The following CXCR5 variants were observed in gnomAD, a reference collection of about 807,000 sequenced individuals.
CXCR5 encodes C-X-C motif chemokine receptor 5.
Under a neutral mutation model 5.6 loss-of-function variants are expected in CXCR5, and 3 were observed. That is an observed-to-expected ratio of 0.54 (90% CI 0.24 to 1.39). The LOEUF is 1.39. Among genes scored for constraint, CXCR5 ranks in the 40% most tolerant of loss-of-function variants. The pLI is 0.16. For missense variants in CXCR5, 333 were observed against 494.6 expected (o/e 0.67, Z 3.10); for synonymous variants, 218 against 219.9 (o/e 0.99, Z 0.08).
rs1306826856 is a variant in CXCR5, at chr11:118,896,853, C to T, written c.*2190C>T. The T allele has an allele frequency of 1.3e-5, 2 of 152,808 alleles. No homozygotes were observed. The highest frequency in any genetic ancestry group is 4.8e-5 in the African/African-American group (2 of 41,476). The allele number at this position is 152,808 out of a possible 1,614,324, so 9.5% of individuals were successfully genotyped here. On this transcript the variant is annotated 3_prime_UTR_variant, in exon 2 of 2. Coordinates refer to ENST00000292174, the MANE Select transcript of CXCR5 (RefSeq NM_001716.5). ...AGCCAGGGAACTGCCCTGCCACCTC[C>T]CGAGGCAGGAAAGGAAGTGAGAAAA...
At position 118,895,854 on chromosome 11, in the gene CXCR5, G is replaced by T; in HGVS notation, c.*1191G>T. ...CTGCTCCGTGCTTGTTTGCTCACCT[G>T]GGGTGTGGGAGGCCCGTCCGGCAGT... is the stretch of plus-strand genomic sequence containing the variant. On this transcript the variant is annotated 3_prime_UTR_variant, in exon 2 of 2. Transcript: ENST00000292174. This position sits in a 1 kb window ranked among gnomAD's most constrained non-coding sequence, Gnocchi z 4.2. 6.0e-6 allele frequency: 1 copy of T among 167,270 alleles called. No individual in the cohort carries two copies. 10.4% of individuals were successfully genotyped at this position (167,270 alleles called of 1,614,324 possible).
In CXCR5 at chr11:118,893,456, T is replaced by G. The variant is rs1939843201; in HGVS notation, c.52-140T>G. On this transcript the variant is annotated intron_variant, in intron 1 of 1. Coordinates refer to ENST00000292174, the MANE Select transcript of CXCR5 (RefSeq NM_001716.5). This position sits in a 1 kb window ranked among gnomAD's most constrained non-coding sequence, Gnocchi z 5.7. ...TGAAGTTGGAAAAGACAAAGTGATT[T>G]GTTCAAAATTGAAATTTGAAACTTG... 7.0e-7 allele frequency: 1 copy of G among 1,427,824 alleles called. No individual in the cohort carries two copies. Among genetic ancestry groups the G allele is most frequent in the Non-Finnish European group, 9.2e-7 (1 of 1,089,352 alleles). The allele number at this position is 1,427,824 out of a possible 1,614,324, so 88.4% of individuals were successfully genotyped here.
intron 1 of CXCR5, among the ~76,000 whole-genome samples, chr11:118,891,012 T>C (rs926009030): frequency 1.3e-5 from 2 of 152,138 alleles, no homozygotes; most frequent in African/African-American, 2.4e-5. Context: ...TGTAGTGTGC[T>C]ATGGTCACAC....
rs756469292 is a variant in CXCR5 at position 118,895,465 on chromosome 11, C to T, written c.*802C>T. The T allele has an allele frequency of 1.2e-5, 2 of 167,040 alleles. No homozygotes were observed. Among genetic ancestry groups the T allele is most frequent in the African/African-American group, 2.4e-5 (1 of 41,438 alleles). The allele number at this position is 167,040 out of a possible 1,614,324, so 10.3% of individuals were successfully genotyped here. Reference sequence around the variant, plus strand: ...GAAGAAAAGAGCTTTCTTCCCGAACCCCAAGGAGGGAGATGGATCAATCAA... The same window carrying T: ...GAAGAAAAGAGCTTTCTTCCCGAACTCCAAGGAGGGAGATGGATCAATCAA... On this transcript the variant is annotated 3_prime_UTR_variant, in exon 2 of 2. Transcript: ENST00000292174. This position sits in a 1 kb window ranked among gnomAD's most constrained non-coding sequence, Gnocchi z 4.2.
In CXCR5 at chr11:118,894,344, T is replaced by C; in HGVS notation, c.800T>C (p.Ile267Thr). 6.2e-7 allele frequency: 1 copy of C among 1,614,130 alleles called. No individual in the cohort carries two copies. Among genetic ancestry groups the C allele is most frequent in the Non-Finnish European group, 8.5e-7 (1 of 1,180,006 alleles). ...AVRVAILVTSIFFLCWSPYHI... is the reference protein window; with the variant it reads ...AVRVAILVTSTFFLCWSPYHI... ...AGGGTGGCCATCCTGGTGACAAGCA[T>C]CTTCTTCCTCTGCTGGTCACCCTAC... Residue 267 changes from isoleucine to threonine, a missense_variant, in exon 2 of 2, where the codon ATC becomes ACC. Transcript: ENST00000292174. The surrounding 1 kb of genome is among the most constrained non-coding windows in gnomAD (Gnocchi z 6.1).
chr11:118,887,478 A>C, intron 1 of CXCR5: 1 of 971,416 alleles, frequency 1.0e-6, no homozygotes, highest in Non-Finnish European at 1.2e-6. Flanking sequence ...AGTAGCTTAA[A>C]CTCTCCCCCT....
Position 118,883,962 on chromosome 11 carries a change from G to A in CXCR5, c.21G>A (p.Leu7=). MNYPLT[L]EMDLENLEDL... Reference sequence around the variant, plus strand: ...CAGCCATGAACTACCCGCTAACGCTGGAAATGGACCTCGAGAACCTGGAGG... The same window carrying A: ...CAGCCATGAACTACCCGCTAACGCTAGAAATGGACCTCGAGAACCTGGAGG... Residue 7 remains leucine (L), a synonymous_variant, in exon 1 of 2, where the codon CTG becomes CTA. Transcript: ENST00000292174. The A allele has an allele frequency of 1.2e-6, 2 of 1,612,830 alleles. No homozygotes were observed. Among genetic ancestry groups the A allele is most frequent in the South Asian group, 2.2e-5 (2 of 90,750 alleles).
Position 118,894,454 on chromosome 11 carries a change from A to G in CXCR5, c.910A>G (p.Ile304Val). 2 of 1,613,956 alleles carry G rather than the reference A, an allele frequency of 1.2e-6. No homozygotes were observed. Among genetic ancestry groups the G allele is most frequent in the Non-Finnish European group, 1.7e-6 (2 of 1,179,892 alleles). Residue 304 changes from isoleucine (I) to valine (V), a missense_variant, in exon 2 of 2, where the codon ATC (isoleucine) becomes GTC (valine). By Grantham distance (29) the Ile-to-Val change is conservative. Coordinates refer to ENST00000292174, the MANE Select transcript of CXCR5 (RefSeq NM_001716.5). The surrounding 1 kb of genome is among the most constrained non-coding windows in gnomAD (Gnocchi z 6.1). ...CKLNGSLPVAITMCEFLGLAH... is the reference protein window; with the variant it reads ...CKLNGSLPVAVTMCEFLGLAH... ...GCTGAATGGCTCTCTCCCCGTGGCC[A>G]TCACCATGTGTGAGTTCCTGGGCCT...
chr11:118,891,164 A>T (rs2137656934), intron 1 of CXCR5, among the ~76,000 whole-genome samples: 1 of 150,276 alleles, frequency 6.7e-6, no homozygotes, highest in East Asian at 1.9e-4. Flanking sequence ...TCTAAACTTT[A>T]TTTTTTAAAA....
intron 1 of CXCR5, among the ~76,000 whole-genome samples, chr11:118,890,127 T>C (rs999539886): frequency 2.0e-5 from 3 of 152,138 alleles, no homozygotes; most frequent in Non-Finnish European, 4.4e-5. Context: ...TAGCTCCCAA[T>C]AGAGGGAGAG....
Position 118,893,991 on chromosome 11 carries a change from G to A in CXCR5, c.447G>A (p.Leu149=). 1 of 1,613,810 alleles carries A rather than the reference G, an allele frequency of 6.2e-7. No individual in the cohort carries two copies. Among genetic ancestry groups the A allele is most frequent in the Non-Finnish European group, 8.5e-7 (1 of 1,180,014 alleles). The part of the protein sequence containing the change: ...LLACIAVDRY[L]AIVHAVHAYR... ...CCTGCATCGCCGTGGACCGCTACCT[G>A]GCCATTGTCCACGCCGTCCATGCCT... The change falls in exon 2 of 2, where the codon CTG becomes CTA. Residue 149 remains leucine (L), a synonymous_variant. Transcript: ENST00000292174. The surrounding 1 kb of genome is among the most constrained non-coding windows in gnomAD (Gnocchi z 5.7).
In CXCR5 at chr11:118,894,767, A is replaced by G. The variant is rs1411345171; in HGVS notation, c.*104A>G. On this transcript the variant is annotated 3_prime_UTR_variant, in exon 2 of 2. Transcript: ENST00000292174. The surrounding 1 kb of genome is among the most constrained non-coding windows in gnomAD (Gnocchi z 6.1). ...ATCCTAAGGGCTCACCGTGGCTAAG[A>G]GTGTCCTAGGAGTATCCTCATTTGG... 5.0e-6 allele frequency: 6 copies of G among 1,209,950 alleles called. No homozygotes were observed. Among genetic ancestry groups the G allele is most frequent in the Non-Finnish European group, 6.7e-6 (6 of 889,316 alleles). 75.0% of individuals were successfully genotyped at this position (1,209,950 alleles called of 1,614,324 possible).
In CXCR5 at chr11:118,895,119, G is replaced by C. The variant is rs539783663; in HGVS notation, c.*456G>C. On this transcript the variant is annotated 3_prime_UTR_variant, in exon 2 of 2. Transcript: ENST00000292174. This position sits in a 1 kb window ranked among gnomAD's most constrained non-coding sequence, Gnocchi z 4.2. ...CACCTGTCAAACAAAGCCAGAAGCT[G>C]AGCACCAGGGGATGAGTGGAGGTTA... The C allele has an allele frequency of 5.8e-6, 1 of 171,804 alleles. No individual in the cohort carries two copies. The highest frequency in any genetic ancestry group is 2.0e-4 in the South Asian group (1 of 4,896). 10.6% of individuals were successfully genotyped at this position (171,804 alleles called of 1,614,324 possible). A position where few individuals can be genotyped will look rare whatever the true frequency, so the allele number is the denominator to read the frequency against.
Position 118,896,317 on chromosome 11 carries a change from T to C in CXCR5, c.*1654T>C, listed in dbSNP as rs1191788256. 4 of 156,102 alleles carry C rather than the reference T, an allele frequency of 2.6e-5. No individual in the cohort carries two copies. The South Asian group carries it at 8.3e-4, about 32-fold the overall frequency. The allele number at this position is 156,102 out of a possible 1,614,324, so 9.7% of individuals were successfully genotyped here. On this transcript the variant is annotated 3_prime_UTR_variant, in exon 2 of 2. Coordinates refer to ENST00000292174, the MANE Select transcript of CXCR5 (RefSeq NM_001716.5). ...TATATATTTATATAATGGTACAAAATGGCTGGGGGTGTGGCCATGGATGGA... is the reference window on the plus strand; with the variant it reads ...TATATATTTATATAATGGTACAAAACGGCTGGGGGTGTGGCCATGGATGGA...
At position 118,893,697 on chromosome 11, in the gene CXCR5, C is replaced by G. The variant is rs371254424; in HGVS notation, c.153C>G (p.Ala51=). 2.5e-6 allele frequency: 4 copies of G among 1,614,184 alleles called. No individual in the cohort carries two copies. The highest frequency in any genetic ancestry group is 3.4e-6 in the Non-Finnish European group (4 of 1,180,020). Residue 51 remains alanine (A), a synonymous_variant, in exon 2 of 2, where the codon GCC becomes GCG. Transcript: ENST00000292174. This position sits in a 1 kb window ranked among gnomAD's most constrained non-coding sequence, Gnocchi z 5.7. ...TEGPLMASFK[A]VFVPVAYSLI... ...GGCCCCTCATGGCCTCCTTCAAGGC[C>G]GTGTTCGTGCCCGTGGCCTACAGCC...
chr11:118,893,815 T>G lies in CXCR5; in HGVS notation c.271T>G (p.Phe91Val). The G allele has an allele frequency of 6.2e-7, 1 of 1,614,132 alleles. No individual in the cohort carries two copies. Among genetic ancestry groups the G allele is most frequent in the Non-Finnish European group, 8.5e-7 (1 of 1,179,988 alleles). The change falls in exon 2 of 2, where the codon TTC becomes GTC. Residue 91 changes from phenylalanine to valine, a missense_variant. Physicochemically the swap from Phe to Val is conservative, Grantham distance 50. Transcript: ENST00000292174. The surrounding 1 kb of genome is among the most constrained non-coding windows in gnomAD (Gnocchi z 5.7). ...ACGCAGTTCCACGGAGACCTTCCTGTTCCACCTGGCCGTGGCCGACCTCCT... is the reference window on the plus strand; with the variant it reads ...ACGCAGTTCCACGGAGACCTTCCTGGTCCACCTGGCCGTGGCCGACCTCCT... ...QTRSSTETFL[F>V]HLAVADLLLV...
chr11:118,890,634 T>C (rs1939795125), intron 1 of CXCR5, among the ~76,000 whole-genome samples: 2 of 152,116 alleles, frequency 1.3e-5, no homozygotes, highest in Admixed American at 6.5e-5. Flanking sequence ...AATTTATTAA[T>C]AGAAGACAAA....
At position 118,893,244 on chromosome 11, in the gene CXCR5, A is replaced by G. The variant is rs1036886185; in HGVS notation, c.52-352A>G. On this transcript the variant is annotated intron_variant, in intron 1 of 1. Coordinates refer to ENST00000292174, the MANE Select transcript of CXCR5 (RefSeq NM_001716.5). This position sits in a 1 kb window ranked among gnomAD's most constrained non-coding sequence, Gnocchi z 5.7. ...ATGGGTCCTTGTACCAAGCAGGTCC[A>G]TTCCCCAAATTGAAGTCCTGTGACT... The G allele has an allele frequency of 4.2e-6, 1 of 240,396 alleles. No individual in the cohort carries two copies. Among genetic ancestry groups the G allele is most frequent in the Admixed American group, 6.5e-5 (1 of 15,362 alleles). 14.9% of individuals were successfully genotyped at this position (240,396 alleles called of 1,614,324 possible).
At chr11:118,886,097 G>A (rs1939706011) in intron 1 of CXCR5, 6 of 323,348 alleles carry the variant, frequency 1.9e-5, no homozygotes, top group South Asian at 7.4e-5. Context: ...AACCTCGGGC[G>A]TAGTGGTACA....
Sources: allele counts gnomAD v4.1 joint callset (sites outside exome capture counted in the v4.1 genomes callset), GRCh38; gene constraint gnomAD v4.1.1; non-coding constraint Gnocchi (gnomAD v3.1); transcripts MANE v1.5; gene names NCBI Gene and HGNC (gene_info 2026-07-23, HGNC 2026-07-21).